Variants in SPATA16 observed in about 807,000 individuals in gnomAD.
SPATA16 encodes spermatogenesis-associated protein 16.
A neutral mutation model predicts 63.3 loss-of-function variants in SPATA16; 36 were observed. That is an observed-to-expected ratio of 0.57 (90% CI 0.44 to 0.75). SPATA16 has a LOEUF of 0.75. Among genes scored for constraint, SPATA16 ranks in the 30% least tolerant of loss-of-function variants. The probability of loss-of-function intolerance (pLI) is 0.00; values close to 1 mark genes in which losing one functional copy is unlikely to be tolerated. For missense variants in SPATA16, 646 were observed against 679.3 expected (o/e 0.95, Z 0.54); for synonymous variants, 203 against 216.7 (o/e 0.94, Z 0.56).
At chr3:172,989,865 C>G (rs1347593665) in intron 4 of SPATA16, among the ~76,000 whole-genome samples, 2 of 152,072 alleles carry the variant, frequency 1.3e-5, no homozygotes. Flanking sequence ...AAAATTTTTT[C>G]TTGTGCTTGC....
At chr3:173,017,777 A>T (rs865905278) in intron 4 of SPATA16, among the ~76,000 whole-genome samples, 1 of 152,350 alleles carries the variant, frequency 6.6e-6, no homozygotes, top group African/African-American at 2.4e-5. Context: ...GTATCAATAC[A>T]CCACCTCTTA....
intron 6 of SPATA16, among the ~76,000 whole-genome samples, chr3:172,938,302 G>A (rs1733060049): frequency 1.3e-5 from 2 of 152,304 alleles, no homozygotes; most frequent in South Asian, 4.1e-4. Flanking sequence ...TTGTTAAGTG[G>A]TTATTAAGAA....
chr3:173,110,207 ACAGT>A (rs544595176), intron 2 of SPATA16, among the ~76,000 whole-genome samples: 2 of 152,198 alleles, frequency 1.3e-5, no homozygotes, highest in South Asian at 2.1e-4. Flanking sequence ...TGAAGAGTTC[ACAGT>A]CAGTTTATAC....
intron 4 of SPATA16, among the ~76,000 whole-genome samples, chr3:172,993,347 T>C (rs1466473161): frequency 6.6e-6 from 1 of 152,146 alleles, no homozygotes; most frequent in Non-Finnish European, 1.5e-5. Flanking sequence ...AAAATGTTTT[T>C]AAAATATGAG....
intron 6 of SPATA16, among the ~76,000 whole-genome samples, chr3:172,935,598 T>C (rs897086416): frequency 6.6e-6 from 1 of 152,192 alleles, no homozygotes; most frequent in Admixed American, 6.5e-5. Context: ...ATAGAGGGCA[T>C]GGTGTTGTTT....
intron 3 of SPATA16, among the ~76,000 whole-genome samples, chr3:173,023,112 A>C (rs554210301): frequency 6.6e-6 from 1 of 150,640 alleles, no homozygotes; most frequent in South Asian, 2.1e-4. Flanking sequence ...TTTTTATTAA[A>C]GTTCACATGA....
intron 3 of SPATA16, among the ~76,000 whole-genome samples, chr3:173,029,700 G>A (rs1362191426): frequency 6.6e-6 from 1 of 152,022 alleles, no homozygotes; most frequent in Non-Finnish European, 1.5e-5. Flanking sequence ...ATAGTCTGGA[G>A]CAAAGACCAG....
chr3:173,117,103 T>G lies in SPATA16; in HGVS notation c.612+17A>C. On this transcript the variant is annotated intron_variant, in intron 2 of 10. Coordinates refer to ENST00000351008, the MANE Select transcript of SPATA16 (RefSeq NM_031955.6). ...ATAGTTTCCTGTCACCAATCTATAT[T>G]TTCTTTAATCCCATACCTCAAGTGC... 6.2e-7 allele frequency: 1 copy of G among 1,612,802 alleles called. No homozygotes were observed. The highest frequency in any genetic ancestry group is 8.5e-7 in the Non-Finnish European group (1 of 1,178,878).
chr3:172,976,862 T>C, intron 5 of SPATA16, 106 bp downstream of exon 5: 2 of 862,394 alleles, frequency 2.3e-6, no homozygotes, highest in Non-Finnish European at 3.9e-6. Context: ...TTCTGATTGA[T>C]ATGCCCAGAG....
At chr3:172,906,556 C>T (rs1732241878) in intron 10 of SPATA16, among the ~76,000 whole-genome samples, 4 of 128,026 alleles carry the variant, frequency 3.1e-5, no homozygotes, top group African/African-American at 1.1e-4. Flanking sequence ...CCCCACTCGG[C>T]CTCACACCTG....
At chr3:173,109,245 A>G (rs1737691053) in intron 2 of SPATA16, among the ~76,000 whole-genome samples, 4 of 151,878 alleles carry the variant, frequency 2.6e-5, no homozygotes. Context: ...ATTCTCTCCA[A>G]ATCCCTCTTC....
intron 6 of SPATA16, among the ~76,000 whole-genome samples, chr3:172,952,983 A>G (rs1316971060): frequency 6.6e-6 from 1 of 151,344 alleles, no homozygotes; most frequent in Non-Finnish European, 1.5e-5. Context: ...GTAAACAACT[A>G]GCCAGTTTTT....
chr3:172,948,797 G>A (rs1341507462), intron 6 of SPATA16, among the ~76,000 whole-genome samples: 1 of 152,044 alleles, frequency 6.6e-6, no homozygotes, highest in African/African-American at 2.4e-5. Context: ...TACCAGACCT[G>A]TCTATTCATA....
At chr3:173,056,635 C>T (rs1392768592) in intron 2 of SPATA16, among the ~76,000 whole-genome samples, 1 of 132,428 alleles carries the variant, frequency 7.6e-6, no homozygotes, top group Non-Finnish European at 1.5e-5. Context: ...ACCCAGGAGG[C>T]GGAGGTTGCA....
chr3:172,991,200 G>A (rs1458260050), intron 4 of SPATA16, among the ~76,000 whole-genome samples: 1 of 152,050 alleles, frequency 6.6e-6, no homozygotes, highest in African/African-American at 2.4e-5. Flanking sequence ...AACGCCTATT[G>A]TTCTCTCAGG....
At chr3:173,046,733 ATTTT>A (rs1186539385) in intron 3 of SPATA16, among the ~76,000 whole-genome samples, 1 of 152,022 alleles carries the variant, frequency 6.6e-6, no homozygotes, top group African/African-American at 2.4e-5. Flanking sequence ...TAATTAATTT[ATTTT>A]ATCAAATACA....
chr3:172,924,237 A>G lies in SPATA16; in HGVS notation c.1309T>C (p.Leu437=), dbSNP rs753884377. 1 of 1,613,380 alleles carries G rather than the reference A, an allele frequency of 6.2e-7. No individual in the cohort carries two copies. The highest frequency in any genetic ancestry group is 2.2e-5 in the East Asian group (1 of 44,806). ...ETMGKRILPI[L]DFIRSTQLNG... ...AATTGGGTGCTTCTAATAAAATCCAATATTGGCAAGATTCGCTTCCCCATT... is the reference window on the plus strand; with the variant it reads ...AATTGGGTGCTTCTAATAAAATCCAGTATTGGCAAGATTCGCTTCCCCATT... The change falls in exon 8 of 11, where the codon TTG becomes CTG. Residue 437 remains leucine (L), a synonymous_variant. Transcript: ENST00000351008.
At chr3:172,972,032 T>C (rs1304670464) in intron 5 of SPATA16, among the ~76,000 whole-genome samples, 1 of 152,178 alleles carries the variant, frequency 6.6e-6, no homozygotes, top group Non-Finnish European at 1.5e-5. Context: ...GTCTCTCAGT[T>C]CAGCCAGCTC....
chr3:173,001,268 G>GTTTTTTTTTTTTGTTT (rs1553790841), intron 4 of SPATA16, among the ~76,000 whole-genome samples: 3 of 137,594 alleles, frequency 2.2e-5, no homozygotes, highest in African/African-American at 8.1e-5. Context: ...CTTCTCAGTT[G>GTTTTTTTTTTTTGTTT]TTTTTTTTTT....
Sources: allele counts gnomAD v4.1 joint callset (sites outside exome capture counted in the v4.1 genomes callset), GRCh38; gene constraint gnomAD v4.1.1; transcripts MANE v1.5; gene names NCBI Gene and HGNC (gene_info 2026-07-23, HGNC 2026-07-21).